Variants in SLC23A2 observed in about 807,000 individuals in gnomAD.
The protein encoded by SLC23A2 is solute carrier family 23 member 2.
Under a neutral mutation model 73.3 loss-of-function variants are expected in SLC23A2, and 36 were observed. That is an observed-to-expected ratio of 0.49 (90% CI 0.38 to 0.65). The LOEUF (loss-of-function observed/expected upper bound fraction) is 0.65. Among genes scored for constraint, SLC23A2 ranks in the 30% least tolerant of loss-of-function variants. SLC23A2 has a pLI of 0.00. For missense variants in SLC23A2, 507 were observed against 841.6 expected, an observed-to-expected ratio of 0.60 and a Z score of 4.92; for synonymous variants, 343 against 327.3, an observed-to-expected ratio of 1.05 and a Z score of -0.52.
intron 2 of SLC23A2, among the ~76,000 whole-genome samples, chr20:4,961,275 G>GT (rs1319827396): frequency 6.6e-6 from 1 of 151,904 alleles, no homozygotes; most frequent in Non-Finnish European, 1.5e-5. Context: ...TAGAGACGGG[G>GT]TTTCACCTTG....
rs1422610798 is a variant in SLC23A2, at chr20:4,948,641, A to G, written c.-154-15925T>C. Among the ~76,000 whole-genome samples, 5 of 152,232 alleles carry G rather than the reference A, an allele frequency of 3.3e-5. No individual in the cohort carries two copies. In the East Asian group the frequency reaches 7.7e-4, roughly 23 times the overall value. On this transcript the variant is annotated intron_variant, in intron 2 of 16. Transcript: ENST00000338244. ...CACCACATACGTGGTGATCAAAATTATTGCAAAGCTTTTCCCTGATCTTCA... is the reference window on the plus strand; with the variant it reads ...CACCACATACGTGGTGATCAAAATTGTTGCAAAGCTTTTCCCTGATCTTCA...
intron 1 of SLC23A2, among the ~76,000 whole-genome samples, chr20:4,982,060 T>A (rs975391634): frequency 6.6e-6 from 1 of 150,904 alleles, no homozygotes; most frequent in African/African-American, 2.4e-5. Flanking sequence ...AGTGGCATGA[T>A]CTTGGCTCAA....
intron 1 of SLC23A2, among the ~76,000 whole-genome samples, chr20:4,989,404 A>G (rs1177906001): frequency 6.6e-6 from 1 of 152,186 alleles, no homozygotes; most frequent in African/African-American, 2.4e-5. Context: ...GCATATATAT[A>G]TAGTGAGATA....
chr20:4,981,533 TAA>T (rs891026236), intron 1 of SLC23A2, among the ~76,000 whole-genome samples: 3 of 152,174 alleles, frequency 2.0e-5, no homozygotes, highest in Non-Finnish European at 4.4e-5. Flanking sequence ...CGTAGTTTTT[TAA>T]AGTTTCCCAG....
chr20:4,945,215 C>G (rs1449664253), intron 2 of SLC23A2, among the ~76,000 whole-genome samples: 1 of 152,100 alleles, frequency 6.6e-6, no homozygotes, highest in Non-Finnish European at 1.5e-5. Context: ...CAAGTATGCT[C>G]ACAGCATGTG....
chr20:4,911,164 G>C (rs1426947918), intron 4 of SLC23A2, among the ~76,000 whole-genome samples: 1 of 152,178 alleles, frequency 6.6e-6, no homozygotes, highest in Middle Eastern at 3.2e-3. Flanking sequence ...CGGCAGTGTG[G>C]GATGTGCCTC....
chr20:4,885,639 T>A (rs552569153), intron 7 of SLC23A2, among the ~76,000 whole-genome samples, 182 bp downstream of exon 7: 1 of 152,258 alleles, frequency 6.6e-6, no homozygotes, highest in East Asian at 1.9e-4. Flanking sequence ...GATGAACAAG[T>A]GGACAGAAAG....
At chr20:4,991,719 T>G (rs2087925575) in intron 1 of SLC23A2, among the ~76,000 whole-genome samples, 1 of 62,542 alleles carries the variant, frequency 1.6e-5, no homozygotes, top group Non-Finnish European at 3.3e-5. Flanking sequence ...GAGACTCCGT[T>G]TCACACACAC....
At chr20:4,960,036 C>T (rs2087355467) in intron 2 of SLC23A2, among the ~76,000 whole-genome samples, 1 of 152,160 alleles carries the variant, frequency 6.6e-6, no homozygotes, top group Non-Finnish European at 1.5e-5. Context: ...TCAAGAGATT[C>T]TCCCACCTCA....
chr20:4,898,718 G>A (rs559884805), intron 6 of SLC23A2, among the ~76,000 whole-genome samples: 27 of 152,190 alleles, frequency 1.8e-4, no homozygotes, highest in Admixed American at 4.6e-4. Flanking sequence ...CCAGCTCCAC[G>A]TCCATTTAAG....
chr20:4,856,941 A>T lies in SLC23A2; in HGVS notation c.*31T>A. The T allele has an allele frequency of 7.1e-7, 1 of 1,406,492 alleles. No homozygotes were observed. Among genetic ancestry groups the T allele is most frequent in the East Asian group, 2.3e-5 (1 of 43,882 alleles). 87.1% of individuals were successfully genotyped at this position (1,406,492 alleles called of 1,614,324 possible). ...GCAAGGAACTACAGATACATGCCTC[A>T]CTGCGGCCAGGCCACAGGGCACAGC... On this transcript the variant is annotated 3_prime_UTR_variant, in exon 17 of 17. Coordinates refer to ENST00000338244, the MANE Select transcript of SLC23A2 (RefSeq NM_005116.6). The surrounding 1 kb of genome is among the most constrained non-coding windows in gnomAD (Gnocchi z 4.6).
chr20:4,917,215 CA>C lies in SLC23A2; in HGVS notation c.109-4238del, dbSNP rs529409404. Among the ~76,000 whole-genome samples the C allele has an allele frequency of 2.6e-5, 4 of 152,284 alleles. No homozygotes were observed. The South Asian group carries it at 8.3e-4, about 32-fold the overall frequency. Reference sequence around the variant, plus strand: ...GCCACAATCAGATGCTAGCACTGGACAGCCATTCTGGGTGCAGCAGGAGAGT... The same window carrying C: ...GCCACAATCAGATGCTAGCACTGGACGCCATTCTGGGTGCAGCAGGAGAGT... On this transcript the variant is annotated intron_variant, in intron 3 of 16. Coordinates refer to ENST00000338244, the MANE Select transcript of SLC23A2 (RefSeq NM_005116.6).
intron 2 of SLC23A2, among the ~76,000 whole-genome samples, chr20:4,945,474 C>T (rs1038365702): frequency 2.6e-5 from 4 of 152,046 alleles, no homozygotes; most frequent in African/African-American, 9.7e-5. Context: ...TTTGTAGAGA[C>T]AGGGTCTACT....
At chr20:4,935,436 T>C (rs1021289023) in intron 2 of SLC23A2, among the ~76,000 whole-genome samples, 1 of 152,090 alleles carries the variant, frequency 6.6e-6, no homozygotes, top group East Asian at 1.9e-4. Context: ...CTCTGCTGTT[T>C]AATAAGGATA....
At chr20:4,975,340 A>C (rs898430667) in intron 1 of SLC23A2, among the ~76,000 whole-genome samples, 1 of 152,164 alleles carries the variant, frequency 6.6e-6, no homozygotes, top group African/African-American at 2.4e-5. Flanking sequence ...AAAAGAAAGA[A>C]TATGACGTTA....
rs1298286787 is a variant in SLC23A2 at position 4,854,353 on chromosome 20, T to C, written c.*2619A>G. The C allele has an allele frequency of 6.6e-6, 1 of 152,048 alleles. No individual in the cohort carries two copies. The highest frequency in any genetic ancestry group is 1.5e-5 in the Non-Finnish European group (1 of 68,046). 9.4% of individuals were successfully genotyped at this position (152,048 alleles called of 1,614,324 possible). On this transcript the variant is annotated 3_prime_UTR_variant, in exon 17 of 17. Coordinates refer to ENST00000338244, the MANE Select transcript of SLC23A2 (RefSeq NM_005116.6). ...CTTTCAATTACAAACTTTCATTCTGTAGCATATTTTCCAGTAGGAGAACCA... is the reference window on the plus strand; with the variant it reads ...CTTTCAATTACAAACTTTCATTCTGCAGCATATTTTCCAGTAGGAGAACCA...
intron 1 of SLC23A2, among the ~76,000 whole-genome samples, chr20:4,990,730 C>G (rs2087910985): frequency 6.6e-6 from 1 of 151,034 alleles, no homozygotes; most frequent in African/African-American, 2.4e-5. Context: ...GCCTGTAATT[C>G]CCAGCACTGT....
In SLC23A2 at chr20:4,883,652, T is replaced by C. The variant is rs2298173; in HGVS notation, c.814A>G (p.Ile272Val). Residue 272 changes from isoleucine (I) to valine (V), a missense_variant, in exon 9 of 17, where the codon ATT (isoleucine) becomes GTT (valine). This residue lies in a region of SLC23A2 where 217 missense variants were observed against 398.0 expected (regional missense o/e 0.55). Coordinates refer to ENST00000338244, the MANE Select transcript of SLC23A2 (RefSeq NM_005116.6). The surrounding 1 kb of genome is among the most constrained non-coding windows in gnomAD (Gnocchi z 4.5). ...GATGTTTCCACTTACAGCATGGCAATGCCCCAGTGCTTCCCGGCTCTCTCC... is the reference window on the plus strand; with the variant it reads ...GATGTTTCCACTTACAGCATGGCAACGCCCCAGTGCTTCCCGGCTCTCTCC... Reference protein sequence around the residue: ...AGERAGKHWGIAMLTIFLVLL... With the variant: ...AGERAGKHWGVAMLTIFLVLL... 150 of 1,609,896 alleles carry C rather than the reference T, an allele frequency of 9.3e-5. No homozygotes were observed. In the East Asian group the frequency reaches 1.8e-3, roughly 19 times the overall value.
At position 4,976,161 on chromosome 20, in the gene SLC23A2, C is replaced by CT. The variant is rs562127784; in HGVS notation, c.-281-5243dup. Among the ~76,000 whole-genome samples, 288 of 148,486 alleles carry CT rather than the reference C, an allele frequency of 1.9e-3. 2 individuals carry two copies. Among genetic ancestry groups the CT allele is most frequent in the African/African-American group, 6.3e-3 (257 of 40,680 alleles). ...AGCCACCACGCCCGGCCAAGAGTTT[C>CT]TTTTTTTTTTCCTACTTTTACTTTG... On this transcript the variant is annotated intron_variant, in intron 1 of 16. Transcript: ENST00000338244.
Sources: allele counts gnomAD v4.1 joint callset (sites outside exome capture counted in the v4.1 genomes callset), GRCh38; gene constraint gnomAD v4.1.1; regional missense constraint gnomAD v4.1.1; non-coding constraint Gnocchi (gnomAD v3.1); transcripts MANE v1.5; gene names NCBI Gene and HGNC (gene_info 2026-07-23, HGNC 2026-07-21).